Variants in XRN1 observed in about 807,000 individuals in gnomAD.
The protein encoded by XRN1 is strand-exchange protein 1 homolog.
A neutral mutation model predicts 222.3 loss-of-function variants in XRN1; 67 were observed. That is an observed-to-expected ratio of 0.30 (90% CI 0.25 to 0.37). The LOEUF (loss-of-function observed/expected upper bound fraction) is 0.37. Ranked by LOEUF, XRN1 falls within the 10% of genes least tolerant of loss-of-function variation. XRN1 has a pLI of 1.00. For missense variants in XRN1, 1,707 were observed against 2,000.2 expected, an observed-to-expected ratio of 0.85 and a Z score of 2.80; for synonymous variants, 643 against 652.4, an observed-to-expected ratio of 0.99 and a Z score of 0.22.
chr3:142,417,541 C>T (rs2068832969), intron 12 of XRN1, among the ~76,000 whole-genome samples: 3 of 152,164 alleles, frequency 2.0e-5, no homozygotes, highest in African/African-American at 7.2e-5. Flanking sequence ...AGTGACACTA[C>T]CACTCTCTTA....
chr3:142,332,077 A>G (rs1204644810), intron 36 of XRN1, among the ~76,000 whole-genome samples: 1 of 152,146 alleles, frequency 6.6e-6, no homozygotes, highest in East Asian at 1.9e-4. Flanking sequence ...CTGGCCAGTT[A>G]TATTATTATA....
At chr3:142,390,028 T>A (rs563237309) in intron 20 of XRN1, among the ~76,000 whole-genome samples, 1 of 152,330 alleles carries the variant, frequency 6.6e-6, no homozygotes, top group South Asian at 2.1e-4. Flanking sequence ...TCTTTTACTA[T>A]GACCAGTAGG....
At chr3:142,382,145 C>T (rs2067325445) in intron 22 of XRN1, among the ~76,000 whole-genome samples, 1 of 151,924 alleles carries the variant, frequency 6.6e-6, no homozygotes, top group African/African-American at 2.4e-5. Flanking sequence ...TGCATAATTA[C>T]AGTTTTCGTT....
In XRN1 at chr3:142,333,037, T is replaced by C. The variant is rs970270647; in HGVS notation, c.3992A>G (p.Asn1331Ser). ...CCCATGATGAGATGACTGTACTTCATTTTCTTTGGAGATATTCAAAGATGC... is the reference window on the plus strand; with the variant it reads ...CCCATGATGAGATGACTGTACTTCACTTTCTTTGGAGATATTCAAAGATGC... ...FLASLNISKENEVQSSHHGEP... is the reference protein window; with the variant it reads ...FLASLNISKESEVQSSHHGEP... Residue 1331 changes from asparagine (N) to serine (S), a missense_variant, in exon 35 of 41, where the codon AAT becomes AGT. Physicochemically the swap from Asn to Ser is conservative, Grantham distance 46. Transcript: ENST00000392981. 3.1e-6 allele frequency: 5 copies of C among 1,613,714 alleles called. No homozygotes were observed. The highest frequency in any genetic ancestry group is 4.2e-6 in the Non-Finnish European group (5 of 1,179,790).
At chr3:142,345,692 T>C (rs1277527677) in intron 33 of XRN1, among the ~76,000 whole-genome samples, 2 of 152,028 alleles carry the variant, frequency 1.3e-5, no homozygotes, top group Non-Finnish European at 2.9e-5. Context: ...TAAAGAACTC[T>C]TACAAACCAA....
At chr3:142,442,129 T>C (rs2070245105) in intron 1 of XRN1, among the ~76,000 whole-genome samples, 1 of 152,166 alleles carries the variant, frequency 6.6e-6, no homozygotes, top group Admixed American at 6.5e-5. Context: ...TAAATATATA[T>C]ACAGACTCTA....
chr3:142,390,969 A>G (rs2067689959), intron 20 of XRN1, among the ~76,000 whole-genome samples: 1 of 152,234 alleles, frequency 6.6e-6, no homozygotes, highest in Non-Finnish European at 1.5e-5. Flanking sequence ...TAGAGCAGTC[A>G]GCACACACAC....
chr3:142,356,655 G>T (rs781488577), intron 31 of XRN1, among the ~76,000 whole-genome samples: 5 of 152,154 alleles, frequency 3.3e-5, no homozygotes, highest in Non-Finnish European at 5.9e-5. Flanking sequence ...CATTTACAGA[G>T]AAAGCATGGA....
At chr3:142,409,229 T>C (rs748683596) in intron 15 of XRN1, among the ~76,000 whole-genome samples, 1 of 152,234 alleles carries the variant, frequency 6.6e-6, no homozygotes, top group Non-Finnish European at 1.5e-5. Flanking sequence ...TTCTTTCCCT[T>C]TATGGTTAGT....
intron 27 of XRN1, among the ~76,000 whole-genome samples, chr3:142,368,067 A>G (rs2107874999): frequency 6.6e-6 from 1 of 150,440 alleles, no homozygotes; most frequent in East Asian, 1.9e-4. Context: ...TACATATTAA[A>G]TGATATGGAG....
At chr3:142,335,364 G>T in intron 34 of XRN1, 84 bp downstream of exon 34, 1 of 1,328,358 alleles carries the variant, frequency 7.5e-7, no homozygotes, top group Non-Finnish European at 1.1e-6. Context: ...GGTTGAAAAG[G>T]TTGAGAAATT....
chr3:142,312,863 T>G, intron 39 of XRN1, 105 bp from the exon 40 acceptor site: 3 of 1,251,192 alleles, frequency 2.4e-6, no homozygotes, highest in Non-Finnish European at 3.3e-6. Flanking sequence ...TTTTTTCCCC[T>G]TTGGCAAAAG....
intron 13 of XRN1, among the ~76,000 whole-genome samples, chr3:142,416,892 C>T (rs2068808288): frequency 1.3e-5 from 2 of 151,424 alleles, no homozygotes; most frequent in Non-Finnish European, 2.9e-5. Flanking sequence ...ATTAGCTGGC[C>T]GTGGTGGCGC....
chr3:142,340,415 G>A (rs773873962), intron 33 of XRN1, among the ~76,000 whole-genome samples: 37 of 151,018 alleles, frequency 2.5e-4, no homozygotes, highest in African/African-American at 5.6e-4. Flanking sequence ...AATGAAGCAC[G>A]TCTACGAGAT....
rs371464156 is a variant in XRN1, at chr3:142,417,142, G to A, written c.1434C>T (p.Ser478=). The A allele has an allele frequency of 3.7e-6, 6 of 1,609,298 alleles. No individual in the cohort carries two copies. In the African/African-American group the frequency reaches 6.7e-5, roughly 18 times the overall value. Residue 478 remains serine (S), a splice_region_variant and synonymous_variant, in exon 13 of 41, where the codon AGC becomes AGT. Coordinates refer to ENST00000392981, the MANE Select transcript of XRN1 (RefSeq NM_001282857.2). The part of the protein sequence containing the change: ...HYYYHGVQSW[S]WYYPYHYAPF... Reference sequence around the variant, plus strand: ...TATTTTTGTTTTTATTCTCTCACCAGCTCCAGGACTGAACTCCATGATAGT... The same window carrying A: ...TATTTTTGTTTTTATTCTCTCACCAACTCCAGGACTGAACTCCATGATAGT...
chr3:142,378,040 G>T (rs1243186089), intron 23 of XRN1, among the ~76,000 whole-genome samples: 2 of 152,038 alleles, frequency 1.3e-5, no homozygotes, highest in East Asian at 3.9e-4. Flanking sequence ...CATTTCACAG[G>T]ATATAAAGCT....
At position 142,355,326 on chromosome 3, in the gene XRN1, A is replaced by G. The variant is rs576821575; in HGVS notation, c.3768+75T>C. 4.4e-5 allele frequency: 33 copies of G among 742,280 alleles called. No individual in the cohort carries two copies. In the African/African-American group the frequency reaches 5.9e-4, roughly 13 times the overall value. The allele number at this position is 742,280 out of a possible 1,614,324, so 46.0% of individuals were successfully genotyped here. On this transcript the variant is annotated intron_variant, in intron 32 of 40. Coordinates refer to ENST00000392981, the MANE Select transcript of XRN1 (RefSeq NM_001282857.2). Reference sequence around the variant, plus strand: ...TATGAGATGTCACAGAAAAATAATCATTGTAGTCTTAAAAGAAAAATATAA... The same window carrying G: ...TATGAGATGTCACAGAAAAATAATCGTTGTAGTCTTAAAAGAAAAATATAA...
chr3:142,355,560 A>C lies in XRN1; in HGVS notation c.3673-64T>G, dbSNP rs996728174. 3 of 1,083,044 alleles carry C rather than the reference A, an allele frequency of 2.8e-6. No homozygotes were observed. The Admixed American group carries it at 6.3e-5, about 23-fold the overall frequency. The allele number at this position is 1,083,044 out of a possible 1,614,324, so 67.1% of individuals were successfully genotyped here. On this transcript the variant is annotated intron_variant, in intron 31 of 40. Coordinates refer to ENST00000392981, the MANE Select transcript of XRN1 (RefSeq NM_001282857.2). Reference sequence around the variant, plus strand: ...GGAAGAAATAAAAATACATATTAAAAATCAAATAATTCATCTATTAATGTT... The same window carrying C: ...GGAAGAAATAAAAATACATATTAAACATCAAATAATTCATCTATTAATGTT...
intron 27 of XRN1, among the ~76,000 whole-genome samples, 190 bp downstream of exon 27, chr3:142,370,295 G>T (rs1577311402): frequency 6.6e-6 from 1 of 152,030 alleles, no homozygotes; most frequent in African/African-American, 2.4e-5. Flanking sequence ...TATAAATTTG[G>T]CATAACACTA....
Sources: allele counts gnomAD v4.1 joint callset (sites outside exome capture counted in the v4.1 genomes callset), GRCh38; gene constraint gnomAD v4.1.1; transcripts MANE v1.5; gene names NCBI Gene and HGNC (gene_info 2026-07-23, HGNC 2026-07-21).